Variants in SEC16A observed in about 807,000 individuals in gnomAD.
SEC16A encodes SEC16 homolog A, endoplasmic reticulum export factor, also known as protein transport protein Sec16A.
Under a neutral mutation model 221.9 loss-of-function variants are expected in SEC16A, and 110 were observed. The observed-to-expected ratio is 0.50, with a 90% confidence interval of 0.42 to 0.58. The LOEUF is 0.58. SEC16A is among the 20% of genes least tolerant of loss of function. The pLI, the probability that SEC16A is intolerant of heterozygous loss-of-function variation, is 0.00. For missense variants in SEC16A, 3,165 were observed against 3,097.8 expected (o/e 1.02, Z -0.52); for synonymous variants, 1,393 against 1,257.7 (o/e 1.11, Z -2.28).
Position 136,457,368 on chromosome 9 carries a change from A to G in SEC16A, c.5550+76T>C, listed in dbSNP as rs952925764. The G allele has an allele frequency of 1.5e-5, 23 of 1,494,844 alleles. No homozygotes were observed. In the South Asian group the frequency reaches 2.5e-4, roughly 16 times the overall value. 92.6% of individuals were successfully genotyped at this position (1,494,844 alleles called of 1,614,324 possible). A position where few individuals can be genotyped will look rare whatever the true frequency, so the allele number is the denominator to read the frequency against. On this transcript the variant is annotated intron_variant, in intron 18 of 31. Coordinates refer to ENST00000684901, the MANE Select transcript of SEC16A (RefSeq NM_014866.2). ...GCGCGTCTGAACCATCGCTACCCCC[A>G]TGCCCGGGGGCTCTGGCAAGCCCTC...
At chr9:136,460,225 G>GGC (rs1839294290) in intron 13 of SEC16A, 102 bp from the exon 14 acceptor site, 2 of 844,850 alleles carry the variant, frequency 2.4e-6, no homozygotes, top group Non-Finnish European at 3.8e-6. Context: ...CACTTTGGGA[G>GGC]GCCAAAGTGG....
intron 28 of SEC16A, among the ~76,000 whole-genome samples, chr9:136,446,384 C>T (rs1044830441): frequency 2.0e-5 from 3 of 151,818 alleles, no homozygotes. Flanking sequence ...GCTGGGATTA[C>T]AGGCATCATC....
intron 11 of SEC16A, 101 bp from the exon 12 acceptor site, chr9:136,463,233 C>G: frequency 1.3e-6 from 2 of 1,483,450 alleles, no homozygotes; most frequent in East Asian, 2.3e-5. Flanking sequence ...ACAGCCAGAC[C>G]CACAACTACC....
In SEC16A at chr9:136,468,494, T is replaced by A. The variant is rs1261476936; in HGVS notation, c.3723A>T (p.Gly1241=). Reference sequence around the variant, plus strand: ...TCCATCCACTTTTGGAACTATAGTATCCTTCAGGATATCCTTGCCTGAAAA... The same window carrying A: ...TCCATCCACTTTTGGAACTATAGTAACCTTCAGGATATCCTTGCCTGAAAA... ...RPPPRQGYPE[G]YYSSKSGWSS... The change falls in exon 5 of 32, where the codon GGA becomes GGT. Residue 1241 remains glycine (G), a synonymous_variant. Coordinates refer to ENST00000684901, the MANE Select transcript of SEC16A (RefSeq NM_014866.2). 2 of 1,611,318 alleles carry A rather than the reference T, an allele frequency of 1.2e-6. No individual in the cohort carries two copies. Among genetic ancestry groups the A allele is most frequent in the East Asian group, 2.2e-5 (1 of 44,874 alleles).
chr9:136,447,314 G>A lies in SEC16A; in HGVS notation c.6610C>T (p.Arg2204Trp), dbSNP rs1276158240. 1.0e-5 allele frequency: 16 copies of A among 1,593,370 alleles called. No homozygotes were observed. Among genetic ancestry groups the A allele is most frequent in the South Asian group, 3.4e-5 (3 of 87,762 alleles). ...GCAGGAGCGAGAGCCGGCTCGCTCC[G>A]CTGGGTCCCGCTTGGGTTCAGGACG... ...VDVLNPSGTQ[R>W]SEPALAPADF... Residue 2204 changes from arginine (R) to tryptophan (W), a missense_variant, in exon 27 of 32, where the codon CGG (arginine) becomes TGG (tryptophan). Transcript: ENST00000684901. The surrounding 1 kb of genome is among the most constrained non-coding windows in gnomAD (Gnocchi z 5.5).
intron 24 of SEC16A, 24 bp downstream of exon 24, chr9:136,448,060 C>G: frequency 6.3e-7 from 1 of 1,597,204 alleles, no homozygotes; most frequent in Non-Finnish European, 8.6e-7. Flanking sequence ...TTCGGACGTC[C>G]CGTGCGTATT....
At chr9:136,450,890 A>G (rs1473052675) in intron 23 of SEC16A, among the ~76,000 whole-genome samples, 1 of 152,140 alleles carries the variant, frequency 6.6e-6, no homozygotes, top group African/African-American at 2.4e-5. Context: ...CCAGCCCCAC[A>G]CTGAAAGCAG....
Position 136,466,442 on chromosome 9 carries a change from T to C in SEC16A, c.3950A>G (p.Asn1317Ser), listed in dbSNP as rs769874962. The C allele has an allele frequency of 2.9e-5, 46 of 1,606,656 alleles. No individual in the cohort carries two copies. The highest frequency in any genetic ancestry group is 3.8e-5 in the Non-Finnish European group (45 of 1,176,716). Residue 1317 changes from asparagine (N) to serine (S), a missense_variant, in exon 7 of 32, where the codon AAC becomes AGC. By Grantham distance (46) the Asn-to-Ser change is conservative. This residue lies in a region of SEC16A where 2,030 missense variants were observed against 1,923.1 expected (regional missense o/e 1.06). Coordinates refer to ENST00000684901, the MANE Select transcript of SEC16A (RefSeq NM_014866.2). This position sits in a 1 kb window ranked among gnomAD's most constrained non-coding sequence, Gnocchi z 5.5. Reference protein sequence around the residue: ...FGDRPEKRDNNWRYDPRFTGS... With the variant: ...FGDRPEKRDNSWRYDPRFTGS... ...CGTGAAGCGAGGATCGTACCTCCAG[T>C]TGTTGTCACGTTTCTCGGGCCTAGA... is the stretch of plus-strand genomic sequence containing the variant.
rs765851297 is a variant in SEC16A at position 136,451,319 on chromosome 9, T to C, written c.6249A>G (p.Ser2083=). The C allele has an allele frequency of 5.6e-6, 9 of 1,613,426 alleles. No homozygotes were observed. In the Admixed American group the frequency reaches 1.3e-4, roughly 24 times the overall value. Residue 2083 remains serine (S), a synonymous_variant, in exon 23 of 32, where the codon TCA becomes TCG. Coordinates refer to ENST00000684901, the MANE Select transcript of SEC16A (RefSeq NM_014866.2). ...CGGGTCTCTTTGTTTCGGGAGCGGG[T>C]GAGAGAGACAGAGGTGGCTGCGTGG... ...SGPTQPPLSL[S]PAPETKRPGQ...
Position 136,441,543 on chromosome 9 carries a change from GTC to G in SEC16A, c.*210_*211del. ...CAAACAATTCTGAGTCAAAGATTCAGTCTTTCCATCCAGAATCTGAAAGGATG... is the reference window on the plus strand; with the variant it reads ...CAAACAATTCTGAGTCAAAGATTCAGTTTCCATCCAGAATCTGAAAGGATG... On this transcript the variant is annotated 3_prime_UTR_variant, in exon 32 of 32. Coordinates refer to ENST00000684901, the MANE Select transcript of SEC16A (RefSeq NM_014866.2). 1 of 576,200 alleles carries G rather than the reference GTC, an allele frequency of 1.7e-6. No homozygotes were observed. The highest frequency in any genetic ancestry group is 3.1e-6 in the Non-Finnish European group (1 of 319,778). 35.7% of individuals were successfully genotyped at this position (576,200 alleles called of 1,614,324 possible). A position where few individuals can be genotyped will look rare whatever the true frequency, so the allele number is the denominator to read the frequency against.
At chr9:136,468,357 CA>C in intron 5 of SEC16A, 57 bp downstream of exon 5, 2 of 1,049,302 alleles carry the variant, frequency 1.9e-6, no homozygotes, top group Middle Eastern at 2.2e-4. Context: ...TGCATGTCAT[CA>C]GTGTCTTTTG....
At chr9:136,455,417 G>A (rs1393178719) in intron 20 of SEC16A, among the ~76,000 whole-genome samples, 184 bp downstream of exon 20, 4 of 152,172 alleles carry the variant, frequency 2.6e-5, no homozygotes. Flanking sequence ...CTCCTCAGGG[G>A]AGGAAGCATG....
intron 11 of SEC16A, among the ~76,000 whole-genome samples, 162 bp from the exon 12 acceptor site, chr9:136,463,294 T>C (rs1276709495): frequency 1.3e-5 from 2 of 152,168 alleles, no homozygotes; most frequent in African/African-American, 4.8e-5. Context: ...CAACCGCACG[T>C]TCCCTCTCCC....
At position 136,474,469 on chromosome 9, in the gene SEC16A, C is replaced by A. The variant is rs748832328; in HGVS notation, c.3147G>T (p.Gln1049His). ...RFYQQVTKDA[Q>H]GQPGLERAQQ... Reference sequence around the variant, plus strand: ...GGGCTCTTTCGAGGCCAGGCTGGCCCTGGGCATCTTTCGTGACCTGCTGAT... The same window carrying A: ...GGGCTCTTTCGAGGCCAGGCTGGCCATGGGCATCTTTCGTGACCTGCTGAT... The change falls in exon 3 of 32, where the codon CAG becomes CAT. Residue 1049 changes from glutamine to histidine, a missense_variant. Gln to His is a conservative substitution (Grantham distance 24). Transcript: ENST00000684901. 6.2e-7 allele frequency: 1 copy of A among 1,613,086 alleles called. No individual in the cohort carries two copies. Among genetic ancestry groups the A allele is most frequent in the South Asian group, 1.1e-5 (1 of 91,080 alleles).
chr9:136,461,340 A>G, intron 12 of SEC16A, 66 bp from the exon 13 acceptor site: 1 of 1,151,984 alleles, frequency 8.7e-7, no homozygotes, highest in South Asian at 1.3e-5. Context: ...GAGTCAAGAC[A>G]GGCCATGTGT....
In SEC16A at chr9:136,459,098, AGCCATGACAGCTGCAGGCTGGCAGCACCT is replaced by A; in HGVS notation, c.5409+7_5409+35del. ...GCTTGTTAGCACTGAGTGCCTGCCCAGCCATGACAGCTGCAGGCTGGCAGCACCTGCTTACCTGGAAACTAGGCAGGGGG... is the reference window on the plus strand; with the variant it reads ...GCTTGTTAGCACTGAGTGCCTGCCCAGCTTACCTGGAAACTAGGCAGGGGG... On this transcript the variant is annotated splice_region_variant and intron_variant, in intron 17 of 31. Coordinates refer to ENST00000684901, the MANE Select transcript of SEC16A (RefSeq NM_014866.2). This position sits in a 1 kb window ranked among gnomAD's most constrained non-coding sequence, Gnocchi z 6.1. 6.6e-7 allele frequency: 1 copy of A among 1,505,756 alleles called. No individual in the cohort carries two copies. Among genetic ancestry groups the A allele is most frequent in the Non-Finnish European group, 9.1e-7 (1 of 1,096,030 alleles). 93.3% of individuals were successfully genotyped at this position (1,505,756 alleles called of 1,614,324 possible). A position where few individuals can be genotyped will look rare whatever the true frequency, so the allele number is the denominator to read the frequency against.
chr9:136,475,507 T>A lies in SEC16A; in HGVS notation c.2109A>T (p.Ala703=). The A allele has an allele frequency of 6.2e-7, 1 of 1,610,476 alleles. No individual in the cohort carries two copies. The highest frequency in any genetic ancestry group is 8.5e-7 in the Non-Finnish European group (1 of 1,177,610). The change falls in exon 3 of 32, where the codon GCA becomes GCT. Residue 703 remains alanine (A), a synonymous_variant. Transcript: ENST00000684901. The surrounding 1 kb of genome is among the most constrained non-coding windows in gnomAD (Gnocchi z 5.0). ...GAPPLDTVYP[A]PEKRPSARTQ... ...TCCTGGCTGAAGGCCTCTTCTCGGG[T>A]GCTGGATACACAGTATCCAAGGGCG...
chr9:136,446,763 T>C, intron 28 of SEC16A, 92 bp downstream of exon 28: 1 of 1,289,546 alleles, frequency 7.8e-7, no homozygotes. Flanking sequence ...ACACATTGGA[T>C]ACTGACTTGC....
In SEC16A at chr9:136,440,658, G is replaced by T. The variant is rs569612018; in HGVS notation, c.*1097C>A. On this transcript the variant is annotated 3_prime_UTR_variant, in exon 32 of 32. Transcript: ENST00000684901. ...GAGGCCCGTCTCTGAGTTGAACAGG[G>T]TTGAGTCCACCAGGAGCTACTCAAA... 1 of 152,544 alleles carries T rather than the reference G, an allele frequency of 6.6e-6. No homozygotes were observed. The highest frequency in any genetic ancestry group is 1.5e-5 in the Non-Finnish European group (1 of 68,038). 9.4% of individuals were successfully genotyped at this position (152,544 alleles called of 1,614,324 possible). A position where few individuals can be genotyped will look rare whatever the true frequency, so the allele number is the denominator to read the frequency against.
Sources: gnomAD v4.1 joint callset for allele counts (sites outside exome capture counted in the v4.1 genomes callset) on GRCh38, gnomAD v4.1.1 for gene constraint, gnomAD v4.1.1 regional missense constraint, Gnocchi (gnomAD v3.1) non-coding constraint, MANE v1.5 for transcripts, NCBI Gene and HGNC (gene_info 2026-07-23, HGNC 2026-07-21) for gene names.